The following TIAM1 variants were observed in gnomAD, a reference collection of about 807,000 sequenced individuals.
TIAM1 encodes TIAM Rac1 associated GEF 1.
In TIAM1, 65 loss-of-function variants were observed where a neutral mutation model predicts 163.5. The observed-to-expected ratio is 0.40, with a 90% CI of 0.33 to 0.49. TIAM1 has a LOEUF of 0.49. TIAM1 is among the 20% of genes least tolerant of loss of function. TIAM1 has a pLI of 0.77. For synonymous variants in TIAM1, 833 were observed against 810.1 expected, an observed-to-expected ratio of 1.03 and a Z score of -0.48; for missense variants, 1,789 against 2,044.7, an observed-to-expected ratio of 0.87 and a Z score of 2.41.
intron 15 of TIAM1, among the ~76,000 whole-genome samples, chr21:31,172,880 G>GAA (rs34725096): frequency 1.7e-4 from 24 of 144,884 alleles, no homozygotes; most frequent in African/African-American, 5.5e-4. Flanking sequence ...TTGAAAGTAA[G>GAA]AAAAAAAAAA....
At chr21:31,130,850 G>C in intron 24 of TIAM1, 40 bp downstream of exon 24, 1 of 1,580,160 alleles carries the variant, frequency 6.3e-7, no homozygotes, top group African/African-American at 1.3e-5. Context: ...AGCAGATAGA[G>C]AAATAGTTTC....
intron 2 of TIAM1, among the ~76,000 whole-genome samples, chr21:31,449,550 T>C (rs892059298): frequency 1.3e-5 from 2 of 150,432 alleles, no homozygotes; most frequent in African/African-American, 4.9e-5. Context: ...AGCTAATTTT[T>C]TATTTTTAGT....
intron 2 of TIAM1, among the ~76,000 whole-genome samples, chr21:31,365,637 T>C (rs2076491970): frequency 2.6e-5 from 4 of 151,458 alleles, no homozygotes; most frequent in African/African-American, 7.3e-5. Context: ...GTGATCCACC[T>C]GCCTCGGCCT....
intron 2 of TIAM1, among the ~76,000 whole-genome samples, chr21:31,337,680 T>C (rs2075888126): frequency 6.6e-6 from 1 of 151,854 alleles, no homozygotes; most frequent in Non-Finnish European, 1.5e-5. Context: ...TACAGGTATG[T>C]GCCACCACAC....
At chr21:31,407,629 A>ATTTTTTTTTTTT (rs562921160) in intron 2 of TIAM1, among the ~76,000 whole-genome samples, 13 of 94,086 alleles carry the variant, frequency 1.4e-4, no homozygotes, top group African/African-American at 4.6e-4. Context: ...TTTGCTCTTA[A>ATTTTTTTTTTTT]TTTTTTTTTT....
upstream of TIAM1, among the ~76,000 whole-genome samples, chr21:31,346,664 T>C (rs2076153259): frequency 6.6e-6 from 1 of 152,144 alleles, no homozygotes; most frequent in African/African-American, 2.4e-5. Context: ...CCATTGACAA[T>C]TATGAGTCTC....
At chr21:31,472,907 G>C (rs979342257) in intron 1 of TIAM1, among the ~76,000 whole-genome samples, 1 of 152,282 alleles carries the variant, frequency 6.6e-6, no homozygotes, top group South Asian at 2.1e-4. Flanking sequence ...TATTTTCACC[G>C]TCATTACAGT....
chr21:31,332,532 T>C (rs2075708027), intron 2 of TIAM1, among the ~76,000 whole-genome samples: 1 of 152,004 alleles, frequency 6.6e-6, no homozygotes, highest in Non-Finnish European at 1.5e-5. Flanking sequence ...TAGCAAATAA[T>C]GATAATCATT....
chr21:31,203,649 A>G lies in TIAM1; in HGVS notation c.2389-637T>C, dbSNP rs1167767700. 4.0e-5 allele frequency among the ~76,000 whole-genome samples: 6 copies of G among 149,684 alleles called. No individual in the cohort carries two copies. The Admixed American group carries it at 4.2e-4, about 10-fold the overall frequency. On this transcript the variant is annotated intron_variant, in intron 11 of 27. Transcript: ENST00000541036. The stretch of plus-strand genomic sequence containing the variant: ...TTTTCAACACAACACAGCAGATCAA[A>G]AAGGTTCTTAAATATAACTTCATAG...
At chr21:31,267,055 G>T (rs150460109) in intron 3 of TIAM1, 72 bp from the exon 4 acceptor site, 2 of 1,504,768 alleles carry the variant, frequency 1.3e-6, no homozygotes, top group Admixed American at 2.1e-5. Context: ...TAGAGAAAGC[G>T]CTCAGCCTGC....
At position 31,392,958 on chromosome 21, in the gene TIAM1, C is replaced by CTT. The variant is rs34474331; in HGVS notation, c.-368-53538_-368-53537dup. Among the ~76,000 whole-genome samples the CTT allele has an allele frequency of 9.7e-4, 135 of 139,148 alleles. 2 individuals carry two copies. Among genetic ancestry groups the CTT allele is most frequent in the African/African-American group, 3.5e-3 (128 of 36,948 alleles). The allele number at this position is 139,148 out of a possible 152,430, so 91.3% of individuals were successfully genotyped here. A position where few individuals can be genotyped will look rare whatever the true frequency, so the allele number is the denominator to read the frequency against. ...ACCGTGAGCCAAATAAACCTGTCTT[C>CTT]TTTTTTTTTTTTTTTGAGACTGAGT... is the stretch of plus-strand genomic sequence containing the variant. On this transcript the variant is annotated intron_variant, in intron 2 of 28. Transcript: ENST00000286827.
intron 3 of TIAM1, among the ~76,000 whole-genome samples, chr21:31,271,400 T>G (rs751985816): frequency 1.3e-5 from 2 of 152,214 alleles, no homozygotes; most frequent in Non-Finnish European, 2.9e-5. Flanking sequence ...TCTCTCAGGA[T>G]GCCTGGAAGA....
chr21:31,283,486 C>T (rs2073659993), intron 2 of TIAM1, among the ~76,000 whole-genome samples: 1 of 152,132 alleles, frequency 6.6e-6, no homozygotes, highest in South Asian at 2.1e-4. Context: ...TCTCCAAAAT[C>T]CAAGCAGCAT....
intron 23 of TIAM1, among the ~76,000 whole-genome samples, chr21:31,134,087 A>G (rs775509674): frequency 6.6e-6 from 1 of 152,120 alleles, no homozygotes; most frequent in East Asian, 1.9e-4. Context: ...CCAAAAAAAC[A>G]AAACAAAACG....
intron 2 of TIAM1, among the ~76,000 whole-genome samples, chr21:31,410,117 G>A (rs1350697692): frequency 2.6e-5 from 4 of 152,140 alleles, no homozygotes; most frequent in African/African-American, 4.8e-5. Context: ...TTGTGTGTGT[G>A]ACAGTGTGGA....
At chr21:31,160,761 T>C (rs1170716643) in intron 16 of TIAM1, 1 of 359,338 alleles carries the variant, frequency 2.8e-6, no homozygotes, top group Non-Finnish European at 4.9e-6. Context: ...TTCCCACCAG[T>C]GCCCTCTGGG....
intron 2 of TIAM1, among the ~76,000 whole-genome samples, chr21:31,316,521 T>A (rs1030117735): frequency 6.6e-6 from 1 of 152,176 alleles, no homozygotes; most frequent in Non-Finnish European, 1.5e-5. Context: ...CTCCTCACCC[T>A]ATGGCTGGGA....
intron 22 of TIAM1, among the ~76,000 whole-genome samples, chr21:31,138,812 T>G (rs542729008): frequency 6.6e-6 from 1 of 152,344 alleles, no homozygotes; most frequent in Non-Finnish European, 1.5e-5. Flanking sequence ...TTGGAGTAAT[T>G]GATTCCCACT....
chr21:31,159,409 G>A (rs566555531), intron 16 of TIAM1, among the ~76,000 whole-genome samples: 7 of 152,270 alleles, frequency 4.6e-5, no homozygotes, highest in African/African-American at 1.7e-4. Context: ...AGCTCTTCCT[G>A]TTATGCAACC....
Sources: gnomAD v4.1 joint callset for allele counts (sites outside exome capture counted in the v4.1 genomes callset) on GRCh38, gnomAD v4.1.1 for gene constraint, MANE v1.5 for transcripts, NCBI Gene and HGNC (gene_info 2026-07-23, HGNC 2026-07-21) for gene names.